Variants in SLC4A4 observed in about 807,000 individuals in gnomAD.
SLC4A4 encodes the protein solute carrier family 4 member 4, also known as electrogenic sodium bicarbonate cotransporter 1.
Under a neutral mutation model 111.5 loss-of-function variants are expected in SLC4A4, and 27 were observed. The observed-to-expected ratio is 0.24, with a 90% CI of 0.18 to 0.33. The LOEUF (loss-of-function observed/expected upper bound fraction) is 0.33. Ranked by LOEUF, SLC4A4 falls within the 10% of genes least tolerant of loss-of-function variation. SLC4A4 has a pLI of 1.00. For synonymous variants in SLC4A4, 443 were observed against 463.4 expected (o/e 0.96, Z 0.57); for missense variants, 909 against 1,315.5 (o/e 0.69, Z 4.78).
intron 3 of SLC4A4, among the ~76,000 whole-genome samples, chr4:71,315,808 A>G (rs1202809387): frequency 6.6e-6 from 1 of 152,178 alleles, no homozygotes; most frequent in East Asian, 1.9e-4. Flanking sequence ...ATACTAAAGT[A>G]TTGGTTTGTA....
chr4:71,196,771 C>T (rs1746020574), intron 1 of SLC4A4, among the ~76,000 whole-genome samples: 2 of 124,656 alleles, frequency 1.6e-5, no homozygotes, highest in Admixed American at 2.1e-4. Context: ...GAGGCAGAGG[C>T]TGCAGTGAGC....
Position 71,534,502 on chromosome 4 carries a change from C to G in SLC4A4, c.2442+114C>G, listed in dbSNP as rs577275032. 5.4e-6 allele frequency: 5 copies of G among 930,018 alleles called. No individual in the cohort carries two copies. In the East Asian group the frequency reaches 1.3e-4, roughly 24 times the overall value. The allele number at this position is 930,018 out of a possible 1,614,324, so 57.6% of individuals were successfully genotyped here. A position where few individuals can be genotyped will look rare whatever the true frequency, so the allele number is the denominator to read the frequency against. The stretch of plus-strand genomic sequence containing the variant: ...GTTGGGAGTTACTATAGCTAATGTT[C>G]CTTAAGAGTCCGCAGAACCAGAGAT... On this transcript the variant is annotated intron_variant, in intron 18 of 25. Coordinates refer to ENST00000264485, the MANE Select transcript of SLC4A4 (RefSeq NM_001098484.3).
intron 9 of SLC4A4, 30 bp from the exon 10 acceptor site, chr4:71,450,359 T>C: frequency 6.5e-7 from 1 of 1,549,860 alleles, no homozygotes; most frequent in Non-Finnish European, 8.9e-7. Context: ...GTTATCTTTT[T>C]GGATGAGCAC....
intron 1 of SLC4A4, among the ~76,000 whole-genome samples, chr4:71,208,443 A>AAAAAT (rs1553962712): frequency 6.9e-6 from 1 of 144,838 alleles, no homozygotes; most frequent in African/African-American, 2.6e-5. Flanking sequence ...AAAAAAAAAA[A>AAAAAT]ATATATATAT....
chr4:71,531,968 A>G (rs1396797589), intron 16 of SLC4A4, 94 bp from the exon 17 acceptor site: 8 of 754,202 alleles, frequency 1.1e-5, no homozygotes, highest in African/African-American at 3.5e-5. Flanking sequence ...GCTATAAACT[A>G]TTAGCAAATA....
At chr4:71,229,259 C>T (rs988915765) in intron 1 of SLC4A4, among the ~76,000 whole-genome samples, 15 of 152,118 alleles carry the variant, frequency 9.9e-5, no homozygotes, top group African/African-American at 3.4e-4. Flanking sequence ...TCTTGCTAAG[C>T]AGTATTTCAT....
At chr4:71,466,291 T>C (rs534666778) in intron 12 of SLC4A4, among the ~76,000 whole-genome samples, 153 bp from the exon 13 acceptor site, 5 of 152,180 alleles carry the variant, frequency 3.3e-5, no homozygotes, top group Admixed American at 1.3e-4. Flanking sequence ...GGTGGCAATA[T>C]GCATATGGGT....
chr4:71,332,661 T>C (rs557720346), intron 3 of SLC4A4, among the ~76,000 whole-genome samples: 1 of 152,186 alleles, frequency 6.6e-6, no homozygotes, highest in Non-Finnish European at 1.5e-5. Flanking sequence ...CTCGATCTCC[T>C]GACCTCGTGA....
chr4:71,376,079 A>ATATATATATG (rs1323099839), intron 6 of SLC4A4, among the ~76,000 whole-genome samples: 2 of 149,676 alleles, frequency 1.3e-5, no homozygotes, highest in East Asian at 3.9e-4. Context: ...ATACACGTAT[A>ATATATATATG]TATATACATA....
chr4:71,071,267 T>TAA (rs149294430), intron 1 of SLC4A4, among the ~76,000 whole-genome samples: 112 of 139,140 alleles, frequency 8.0e-4, no homozygotes, highest in East Asian at 4.8e-3. Context: ...GAGACCGTCT[T>TAA]AAAAAAAAAA....
chr4:71,289,941 T>TC (rs1302974220), intron 3 of SLC4A4, among the ~76,000 whole-genome samples: 1 of 152,188 alleles, frequency 6.6e-6, no homozygotes, highest in Non-Finnish European at 1.5e-5. Context: ...TGACAGATAC[T>TC]GGTAATTATT....
At chr4:71,247,022 A>T (rs1339512028) in intron 2 of SLC4A4, among the ~76,000 whole-genome samples, 1 of 152,078 alleles carries the variant, frequency 6.6e-6, no homozygotes, top group Non-Finnish European at 1.5e-5. Flanking sequence ...AAACCACAGT[A>T]TTGAAGATTC....
chr4:71,213,207 A>G (rs1184671792), intron 1 of SLC4A4, among the ~76,000 whole-genome samples: 1 of 152,160 alleles, frequency 6.6e-6, no homozygotes, highest in African/African-American at 2.4e-5. Context: ...CCTGATGATA[A>G]CTCAGAATTC....
intron 7 of SLC4A4, among the ~76,000 whole-genome samples, chr4:71,439,882 G>A (rs1724560267): frequency 6.6e-6 from 1 of 151,426 alleles, no homozygotes; most frequent in Non-Finnish European, 1.5e-5. Flanking sequence ...AGCCTATTGG[G>A]TCCTACAATC....
intron 1 of SLC4A4, among the ~76,000 whole-genome samples, chr4:71,075,944 C>T (rs1578454474): frequency 6.8e-6 from 1 of 147,566 alleles, no homozygotes; most frequent in Admixed American, 6.8e-5. Context: ...GGCGACAGAG[C>T]GAGACTCCAT....
rs187066475 is a variant in SLC4A4 at position 71,510,953 on chromosome 4, A to G, written c.2166+13261A>G. On this transcript the variant is annotated intron_variant, in intron 16 of 25. Transcript: ENST00000264485. ...TACAATTATAACAGGCTATTTTAAG[A>G]TGATAACAACTTACCTTTCATTGCA... Among the ~76,000 whole-genome samples the G allele has an allele frequency of 1.3e-4, 20 of 152,304 alleles. No homozygotes were observed. In the South Asian group the frequency reaches 4.1e-3, roughly 32 times the overall value.
intron 3 of SLC4A4, among the ~76,000 whole-genome samples, chr4:71,306,427 A>G (rs888671545): frequency 2.0e-5 from 3 of 152,132 alleles, no homozygotes; most frequent in African/African-American, 7.2e-5. Context: ...CTAAAAATAC[A>G]AAAATTAGCC....
intron 4 of SLC4A4, 41 bp from the exon 5 acceptor site, chr4:71,349,871 A>G (rs747453234): frequency 6.2e-7 from 1 of 1,606,790 alleles, no homozygotes; most frequent in Non-Finnish European, 8.5e-7. Context: ...AGAGGAAGTT[A>G]GAACACTTTT....
At chr4:71,416,274 TA>T (rs1253604351) in intron 7 of SLC4A4, among the ~76,000 whole-genome samples, 1 of 152,218 alleles carries the variant, frequency 6.6e-6, no homozygotes, top group Non-Finnish European at 1.5e-5. Flanking sequence ...AGTGGATGTC[TA>T]AAACTGTGGA....
Sources: allele counts gnomAD v4.1 joint callset (sites outside exome capture counted in the v4.1 genomes callset), GRCh38; gene constraint gnomAD v4.1.1; transcripts MANE v1.5; gene names NCBI Gene and HGNC (gene_info 2026-07-23, HGNC 2026-07-21).